EBF1: variants seen among roughly 807,000 people sequenced by gnomAD.
EBF1 encodes the protein transcription factor COE1.
Under a neutral mutation model 68.4 loss-of-function variants are expected in EBF1, and 10 were observed. The ratio of observed to expected loss-of-function variants is 0.15; its 90% CI spans 0.09 to 0.25. The LOEUF is 0.25. Ranked by LOEUF, EBF1 falls within the 10% of genes least tolerant of loss-of-function variation. The pLI is 1.00. For synonymous variants in EBF1, 298 were observed against 299.8 expected, an observed-to-expected ratio of 0.99 and a Z score of 0.06; for missense variants, 509 against 794.4, an observed-to-expected ratio of 0.64 and a Z score of 4.32.
chr5:158,951,928 C>A (rs563731238), intron 6 of EBF1, among the ~76,000 whole-genome samples: 1 of 152,270 alleles, frequency 6.6e-6, no homozygotes, highest in East Asian at 1.9e-4. Context: ...CTTTAGTCAT[C>A]CCACCCACTA....
At chr5:158,784,997 G>T (rs756243458) in intron 9 of EBF1, among the ~76,000 whole-genome samples, 8 of 152,078 alleles carry the variant, frequency 5.3e-5, no homozygotes, top group Non-Finnish European at 1.2e-4. Flanking sequence ...GAGCTTCTCT[G>T]GGGACCCTAA....
chr5:158,854,339 G>A (rs557659825), intron 6 of EBF1, among the ~76,000 whole-genome samples: 1 of 152,320 alleles, frequency 6.6e-6, no homozygotes, highest in South Asian at 2.1e-4. Context: ...TTGAAGCAAT[G>A]GCATGTTTTG....
chr5:158,707,537 G>C (rs893909055), intron 15 of EBF1: 13 of 241,058 alleles, frequency 5.4e-5, no homozygotes, highest in Middle Eastern at 2.6e-3. Flanking sequence ...CTCTGACACA[G>C]GCAACAGGAA....
chr5:159,075,095 G>T (rs1409537819), intron 5 of EBF1, among the ~76,000 whole-genome samples: 2 of 152,192 alleles, frequency 1.3e-5, no homozygotes, highest in African/African-American at 4.8e-5. Context: ...TGACAGAGCT[G>T]CCTATCTCAA....
chr5:159,021,834 G>A (rs1356520155), intron 6 of EBF1, among the ~76,000 whole-genome samples: 3 of 152,090 alleles, frequency 2.0e-5, no homozygotes, highest in Non-Finnish European at 2.9e-5. Context: ...AGCAATAGCC[G>A]TAATAATTTA....
At chr5:158,887,909 G>A (rs1015856669) in intron 6 of EBF1, among the ~76,000 whole-genome samples, 1 of 152,108 alleles carries the variant, frequency 6.6e-6, no homozygotes, top group Non-Finnish European at 1.5e-5. Context: ...ACATTTCCAG[G>A]GTTTAAGGTG....
intron 6 of EBF1, among the ~76,000 whole-genome samples, chr5:159,072,500 A>G (rs991441097): frequency 6.6e-6 from 1 of 152,134 alleles, no homozygotes; most frequent in African/African-American, 2.4e-5. Flanking sequence ...TGGTTTCCTC[A>G]ATGAGGGATC....
chr5:158,890,175 G>A lies in EBF1; in HGVS notation c.555-50065C>T, dbSNP rs1395668375. Among the ~76,000 whole-genome samples the A allele has an allele frequency of 3.3e-5, 5 of 152,246 alleles. No individual in the cohort carries two copies. In the East Asian group the frequency reaches 9.6e-4, roughly 29 times the overall value. On this transcript the variant is annotated intron_variant, in intron 6 of 15. Coordinates refer to ENST00000313708, the MANE Select transcript of EBF1 (RefSeq NM_024007.5). ...TATATATGCTAGATATAAAAAAATTGTGCAAAGCTAAAACTGTCACACAGG... is the reference window on the plus strand; with the variant it reads ...TATATATGCTAGATATAAAAAAATTATGCAAAGCTAAAACTGTCACACAGG...
chr5:159,087,460 A>T (rs898343330), intron 4 of EBF1, among the ~76,000 whole-genome samples: 2 of 150,802 alleles, frequency 1.3e-5, no homozygotes, highest in African/African-American at 2.4e-5. Context: ...ATACACACAC[A>T]CACATATATA....
At chr5:158,769,928 G>A (rs750251397) in intron 10 of EBF1, among the ~76,000 whole-genome samples, 1 of 152,124 alleles carries the variant, frequency 6.6e-6, no homozygotes, top group Non-Finnish European at 1.5e-5. Flanking sequence ...AGGCAGAGCT[G>A]CTAGTCAAGT....
At chr5:159,030,806 T>C (rs1162941082) in intron 6 of EBF1, among the ~76,000 whole-genome samples, 2 of 152,160 alleles carry the variant, frequency 1.3e-5, no homozygotes, top group Admixed American at 6.5e-5. Flanking sequence ...CACAGTGACA[T>C]GTTCAGAACA....
chr5:158,745,950 G>T (rs949307661), intron 10 of EBF1, among the ~76,000 whole-genome samples: 1 of 152,194 alleles, frequency 6.6e-6, no homozygotes, highest in Non-Finnish European at 1.5e-5. Flanking sequence ...TAATGTGGGT[G>T]AGTGTAGGGA....
At chr5:158,793,798 A>G (rs1305938044) in intron 9 of EBF1, among the ~76,000 whole-genome samples, 1 of 152,174 alleles carries the variant, frequency 6.6e-6, no homozygotes, top group Non-Finnish European at 1.5e-5. Flanking sequence ...TCCCACCATT[A>G]TACAATGGAT....
chr5:159,039,645 T>C (rs965088426), intron 6 of EBF1, among the ~76,000 whole-genome samples: 2 of 152,228 alleles, frequency 1.3e-5, no homozygotes, highest in Admixed American at 1.3e-4. Context: ...GTTCCCCATT[T>C]CAGAAGAAAA....
intron 6 of EBF1, among the ~76,000 whole-genome samples, chr5:159,021,474 A>G (rs902894478): frequency 1.3e-5 from 2 of 152,212 alleles, no homozygotes; most frequent in African/African-American, 4.8e-5. Context: ...CAATCCAAGC[A>G]ACTCTAATTA....
chr5:158,904,584 C>A (rs1313106997), intron 6 of EBF1, among the ~76,000 whole-genome samples: 1 of 152,184 alleles, frequency 6.6e-6, no homozygotes, highest in African/African-American at 2.4e-5. Context: ...GGTCCACATT[C>A]CTGCATAGCA....
Position 158,848,889 on chromosome 5 carries a change from G to C in EBF1, c.555-8779C>G, listed in dbSNP as rs114047105. On this transcript the variant is annotated intron_variant, in intron 6 of 15. Transcript: ENST00000313708. The stretch of plus-strand genomic sequence containing the variant: ...CAAGAAGTTCAAGTCCACAGTAACT[G>C]AGGCATACAGTTCTGCCTGGATGCT... Among the ~76,000 whole-genome samples, 672 of 152,294 alleles carry C rather than the reference G, an allele frequency of 4.4e-3. 4 individuals are homozygous for C. The highest frequency in any genetic ancestry group is 0.016 in the African/African-American group (647 of 41,554).
At chr5:158,796,874 G>A (rs917615621) in intron 8 of EBF1, among the ~76,000 whole-genome samples, 2 of 151,998 alleles carry the variant, frequency 1.3e-5, no homozygotes, top group South Asian at 2.1e-4. Flanking sequence ...GAAAACTTAC[G>A]TTTTTTTAGA....
intron 6 of EBF1, among the ~76,000 whole-genome samples, chr5:158,855,318 A>C (rs7715522): frequency 0.18 from 26,933 of 152,238 alleles, 2,432 homozygotes; most frequent in African/African-American, 0.2. Flanking sequence ...ACTGATCCTC[A>C]CGAAAAGTCT....
Sources: gnomAD v4.1 joint callset for allele counts (sites outside exome capture counted in the v4.1 genomes callset) on GRCh38, gnomAD v4.1.1 for gene constraint, MANE v1.5 for transcripts, NCBI Gene and HGNC (gene_info 2026-07-23, HGNC 2026-07-21) for gene names.